SUSD1: variants seen among roughly 807,000 people sequenced by gnomAD.
SUSD1 encodes sushi domain-containing protein 1.
In SUSD1, 65 loss-of-function variants were observed where a neutral mutation model predicts 86.9. The ratio of observed to expected loss-of-function variants is 0.75; its 90% CI spans 0.61 to 0.92. The LOEUF is 0.92. SUSD1 is among the 40% of genes least tolerant of loss of function. The pLI is 0.00. For missense variants in SUSD1, 850 were observed against 929.7 expected (o/e 0.91, Z 1.11); for synonymous variants, 346 against 350.0 (o/e 0.99, Z 0.13).
chr9:112,055,298 C>T lies in SUSD1; in HGVS notation c.2110-2860G>A, dbSNP rs141620256. Among the ~76,000 whole-genome samples the T allele has an allele frequency of 6.6e-5, 10 of 152,232 alleles. No homozygotes were observed. The East Asian group carries it at 1.9e-3, about 29-fold the overall frequency. On this transcript the variant is annotated intron_variant, in intron 14 of 16. Coordinates refer to ENST00000374270, the MANE Select transcript of SUSD1 (RefSeq NM_022486.5). Reference sequence around the variant, plus strand: ...AAAATTAGTCGGGTGTGATGGCATGCACCTGTAGTCCCAGCTACTCAGGTG... The same window carrying T: ...AAAATTAGTCGGGTGTGATGGCATGTACCTGTAGTCCCAGCTACTCAGGTG...
At chr9:112,086,587 C>A (rs998519922) in intron 10 of SUSD1, among the ~76,000 whole-genome samples, 2 of 134,654 alleles carry the variant, frequency 1.5e-5, no homozygotes, top group African/African-American at 6.3e-5. Context: ...AGAGAGAGAT[C>A]TGGTGTATAG....
intron 9 of SUSD1, among the ~76,000 whole-genome samples, chr9:112,099,633 T>C (rs1487543833): frequency 6.6e-6 from 1 of 152,160 alleles, no homozygotes; most frequent in African/African-American, 2.4e-5. Flanking sequence ...GGAAAAAACT[T>C]TCGTGAAGGT....
chr9:112,079,554 T>A (rs1216344980), intron 11 of SUSD1, among the ~76,000 whole-genome samples: 1 of 151,970 alleles, frequency 6.6e-6, no homozygotes, highest in African/African-American at 2.4e-5. Flanking sequence ...GACACCCTTT[T>A]GTTCTTACTT....
chr9:112,124,950 C>T (rs10981269), intron 5 of SUSD1, among the ~76,000 whole-genome samples: 22,500 of 152,002 alleles, frequency 0.15, 1,952 homozygotes, highest in Non-Finnish European at 0.2. Flanking sequence ...AAAATTGATA[C>T]GAAATTTTTT....
intron 10 of SUSD1, among the ~76,000 whole-genome samples, chr9:112,088,700 G>A (rs529551690): frequency 1.3e-5 from 2 of 152,346 alleles, no homozygotes; most frequent in East Asian, 3.9e-4. Context: ...GCTGAGGTCG[G>A]AGGATCACTT....
At chr9:112,157,407 C>A in intron 2 of SUSD1, 93 bp downstream of exon 2, 4 of 812,172 alleles carry the variant, frequency 4.9e-6, no homozygotes, top group South Asian at 1.8e-5. Flanking sequence ...AACAAAATAA[C>A]AATGTTTTTC....
chr9:112,160,641 G>T (rs1057440603), intron 1 of SUSD1, among the ~76,000 whole-genome samples: 20 of 152,168 alleles, frequency 1.3e-4, no homozygotes, highest in African/African-American at 4.8e-4. Context: ...GATCCCAGGA[G>T]TTTGAGACTA....
intron 10 of SUSD1, among the ~76,000 whole-genome samples, chr9:112,090,471 C>G (rs1448453886): frequency 6.6e-6 from 1 of 151,986 alleles, no homozygotes; most frequent in Non-Finnish European, 1.5e-5. Flanking sequence ...TGAATTGTCC[C>G]AGGGCATAAA....
intron 2 of SUSD1, among the ~76,000 whole-genome samples, chr9:112,156,985 C>T (rs1833357551): frequency 6.6e-6 from 1 of 152,116 alleles, no homozygotes; most frequent in Admixed American, 6.6e-5. Flanking sequence ...TGCTTCTAAC[C>T]TAAAGGGCTT....
chr9:112,129,453 C>T (rs924009711), intron 5 of SUSD1, among the ~76,000 whole-genome samples: 1 of 152,126 alleles, frequency 6.6e-6, no homozygotes, highest in Admixed American at 6.6e-5. Context: ...GCTGGGACCT[C>T]ACACGTGCAC....
intron 8 of SUSD1, among the ~76,000 whole-genome samples, chr9:112,102,826 A>G (rs1830683556): frequency 6.6e-6 from 1 of 152,256 alleles, no homozygotes; most frequent in Non-Finnish European, 1.5e-5. Context: ...ACAGTATTTC[A>G]AGAGCTACTC....
rs760031614 is a variant in SUSD1 at position 112,062,973 on chromosome 9, C to T, written c.1814G>A (p.Arg605Lys). ...TVHRGPLPRL[R>K]LRKAKEKNGP... ...ATTTTTCTCCTTGGCTTTCCTCAGT[C>T]TGAGGCGTGGTAGAGGTCCTCTGTG... is the stretch of plus-strand genomic sequence containing the variant. Residue 605 changes from arginine to lysine, a missense_variant, in exon 13 of 17, where the codon AGA becomes AAA. By Grantham distance (26) the Arg-to-Lys change is conservative (BLOSUM62 2). Transcript: ENST00000374270. The T allele has an allele frequency of 6.2e-7, 1 of 1,613,576 alleles. No individual in the cohort carries two copies. Among genetic ancestry groups the T allele is most frequent in the South Asian group, 1.1e-5 (1 of 91,058 alleles).
intron 15 of SUSD1, among the ~76,000 whole-genome samples, chr9:112,047,117 T>C (rs1264330474): frequency 2.0e-5 from 3 of 151,992 alleles, no homozygotes; most frequent in Non-Finnish European, 4.4e-5. Flanking sequence ...CCACAGGGTG[T>C]ACAGGAGGCA....
At chr9:112,069,417 T>G (rs1367057) in intron 12 of SUSD1, among the ~76,000 whole-genome samples, 129,095 of 151,982 alleles carry the variant, frequency 0.85, 56,759 homozygotes, top group South Asian at 0.97. Context: ...AGAGAGATTC[T>G]GTAGGATACA....
chr9:112,045,363 T>G (rs1421509386), intron 15 of SUSD1, among the ~76,000 whole-genome samples: 1 of 152,216 alleles, frequency 6.6e-6, no homozygotes, highest in Non-Finnish European at 1.5e-5. Context: ...TGGACAGAAA[T>G]CCATATCATG....
At chr9:112,116,632 T>C (rs1831338035) in intron 6 of SUSD1, among the ~76,000 whole-genome samples, 1 of 152,148 alleles carries the variant, frequency 6.6e-6, no homozygotes, top group African/African-American at 2.4e-5. Context: ...AAAGTACTCT[T>C]GAAAGTCATA....
At chr9:112,104,751 C>T (rs1043383131) in intron 8 of SUSD1, 1 of 152,094 alleles carries the variant, frequency 6.6e-6, no homozygotes, top group African/African-American at 2.4e-5. Context: ...AAAGGAGGAT[C>T]AAAGGGAAGG....
At chr9:112,165,883 GAAAA>G (rs752856377) in intron 1 of SUSD1, among the ~76,000 whole-genome samples, 1 of 114,144 alleles carries the variant, frequency 8.8e-6, no homozygotes, top group Non-Finnish European at 1.8e-5. Flanking sequence ...GAAAGAGAAA[GAAAA>G]AGAAAGAAAG....
chr9:112,056,445 C>G (rs1564250478), intron 14 of SUSD1, among the ~76,000 whole-genome samples: 1 of 152,068 alleles, frequency 6.6e-6, no homozygotes, highest in Non-Finnish European at 1.5e-5. Flanking sequence ...ATGGTTAAGA[C>G]AGTAAATTTT....
Sources: allele counts gnomAD v4.1 joint callset (sites outside exome capture counted in the v4.1 genomes callset), GRCh38; gene constraint gnomAD v4.1.1; transcripts MANE v1.5; gene names NCBI Gene and HGNC (gene_info 2026-07-23, HGNC 2026-07-21).